Variants in MARCHF1 observed in about 807,000 individuals in gnomAD.
MARCHF1 encodes the protein membrane associated ring-CH-type finger 1.
MARCHF1 carries 40 observed loss-of-function variants against 54.2 expected under a neutral mutation model. That is an observed-to-expected ratio of 0.74 (90% CI 0.57 to 0.96). The LOEUF (loss-of-function observed/expected upper bound fraction) is 0.96. Among genes scored for constraint, MARCHF1 ranks in the 40% least tolerant of loss-of-function variants. MARCHF1 has a pLI of 0.00. For synonymous variants in MARCHF1, 236 were observed against 236.3 expected, an observed-to-expected ratio of 1.00 and a Z score of 0.01; for missense variants, 586 against 656.5, an observed-to-expected ratio of 0.89 and a Z score of 1.17.
chr4:163,605,140 G>A (rs189085483), intron 7 of MARCHF1, among the ~76,000 whole-genome samples: 126 of 152,038 alleles, frequency 8.3e-4, no homozygotes, highest in African/African-American at 2.7e-3. Context: ...AGAAGGGTTC[G>A]CTTTAGGCAC....
At chr4:163,756,622 A>C (rs1746677418) in intron 4 of MARCHF1, among the ~76,000 whole-genome samples, 1 of 104,422 alleles carries the variant, frequency 9.6e-6, no homozygotes. Flanking sequence ...ACAGAGCGAG[A>C]CTCTGTCTCA....
At position 163,528,447 on chromosome 4, in the gene MARCHF1, A is replaced by G. The variant is rs920568891; in HGVS notation, c.*301T>C. 19 of 309,644 alleles carry G rather than the reference A, an allele frequency of 6.1e-5. No individual in the cohort carries two copies. Among genetic ancestry groups the G allele is most frequent in the African/African-American group, 3.9e-4 (18 of 46,394 alleles). 19.2% of individuals were successfully genotyped at this position (309,644 alleles called of 1,614,324 possible). A position where few individuals can be genotyped will look rare whatever the true frequency, so the allele number is the denominator to read the frequency against. ...AAGAAGAGTATCATGGGTCCATTTA[A>G]TCTTTGATTACTGCCTAAAAGCATT... On this transcript the variant is annotated 3_prime_UTR_variant, in exon 10 of 10. Coordinates refer to ENST00000514618, the MANE Select transcript of MARCHF1 (RefSeq NM_001394959.1).
Position 163,876,087 on chromosome 4 carries a change from G to A in MARCHF1, c.-38-21918C>T, listed in dbSNP as rs576190272. Reference sequence around the variant, plus strand: ...TTTATTTTAAAAATAAATATTCACAGAAATTATATCATGACAAACCCTAGA... The same window carrying A: ...TTTATTTTAAAAATAAATATTCACAAAAATTATATCATGACAAACCCTAGA... On this transcript the variant is annotated intron_variant, in intron 3 of 9. Transcript: ENST00000514618. Among the ~76,000 whole-genome samples the A allele has an allele frequency of 5.9e-5, 9 of 152,190 alleles. No individual in the cohort carries two copies. In the East Asian group the frequency reaches 1.7e-3, roughly 29 times the overall value.
At chr4:163,700,900 G>A in intron 4 of MARCHF1, 37 bp from the exon 5 acceptor site, 1 of 1,443,882 alleles carries the variant, frequency 6.9e-7, no homozygotes. Flanking sequence ...TTAAAAGAAG[G>A]TATGGTACTT....
intron 2 of MARCHF1, among the ~76,000 whole-genome samples, chr4:164,087,805 G>C (rs1332875155): frequency 2.1e-5 from 1 of 47,828 alleles, no homozygotes; most frequent in Non-Finnish European, 6.6e-5. Context: ...GCTTTTTTCT[G>C]TGTTTTTTTT....
chr4:163,949,053 C>T (rs370601298), intron 3 of MARCHF1, among the ~76,000 whole-genome samples: 30 of 152,324 alleles, frequency 2.0e-4, no homozygotes, highest in East Asian at 5.8e-4. Flanking sequence ...TGCTTGGGCC[C>T]GCTGGGCTCA....
At chr4:164,205,700 A>T (rs1188100422) in intron 1 of MARCHF1, among the ~76,000 whole-genome samples, 1 of 150,966 alleles carries the variant, frequency 6.6e-6, no homozygotes, top group Non-Finnish European at 1.5e-5. Flanking sequence ...TGCTCTTACT[A>T]CCCAAGGTTG....
At chr4:164,359,060 G>A (rs1730647584) in intron 1 of MARCHF1, among the ~76,000 whole-genome samples, 1 of 151,954 alleles carries the variant, frequency 6.6e-6, no homozygotes, top group Non-Finnish European at 1.5e-5. Flanking sequence ...AAAAATTTTT[G>A]TTTTATTCTG....
At chr4:163,582,581 C>T (rs1483183083) in intron 8 of MARCHF1, among the ~76,000 whole-genome samples, 3 of 152,194 alleles carry the variant, frequency 2.0e-5, no homozygotes, top group South Asian at 2.1e-4. Flanking sequence ...ACAGAATCTC[C>T]TGCCTGCATT....
At chr4:163,939,810 T>A (rs1385251292) in intron 3 of MARCHF1, among the ~76,000 whole-genome samples, 4 of 152,152 alleles carry the variant, frequency 2.6e-5, no homozygotes, top group African/African-American at 9.7e-5. Flanking sequence ...CAGCATAACA[T>A]GCCGAACTAT....
chr4:163,642,101 A>C (rs1243604019), intron 5 of MARCHF1, among the ~76,000 whole-genome samples: 2 of 152,212 alleles, frequency 1.3e-5, no homozygotes, highest in Admixed American at 6.5e-5. Context: ...AAGAATTAGC[A>C]ATGTGACTTT....
chr4:164,297,885 T>A (rs903857609), intron 1 of MARCHF1, among the ~76,000 whole-genome samples: 3 of 152,158 alleles, frequency 2.0e-5, no homozygotes, highest in African/African-American at 7.2e-5. Context: ...GCCATGAGAC[T>A]CAATTTACCT....
At chr4:163,661,722 G>A (rs1007690719) in intron 5 of MARCHF1, among the ~76,000 whole-genome samples, 1 of 151,968 alleles carries the variant, frequency 6.6e-6, no homozygotes, top group South Asian at 2.1e-4. Flanking sequence ...AAGTGAGTGA[G>A]CGTGTCAATC....
chr4:164,036,952 G>T (rs546950775), intron 2 of MARCHF1, among the ~76,000 whole-genome samples: 5 of 152,290 alleles, frequency 3.3e-5, no homozygotes, highest in African/African-American at 9.6e-5. Flanking sequence ...TGTCAGCAAT[G>T]AAGTTGATTG....
chr4:163,824,277 G>A (rs892458362), intron 4 of MARCHF1, among the ~76,000 whole-genome samples: 9 of 151,802 alleles, frequency 5.9e-5, no homozygotes, highest in Non-Finnish European at 1.2e-4. Flanking sequence ...TACCAAATCT[G>A]GTGCCAAAAC....
chr4:163,815,938 T>C lies in MARCHF1; in HGVS notation c.111+38083A>G, dbSNP rs373731984. On this transcript the variant is annotated intron_variant, in intron 4 of 9. Transcript: ENST00000514618. ...TTCTTTCACTTCCCCTTTTTATGGC[T>C]GGAAAAAAGTAAATACTATCTCCAA... Among the ~76,000 whole-genome samples the C allele has an allele frequency of 5.3e-5, 8 of 152,314 alleles. No individual in the cohort carries two copies. In the East Asian group the frequency reaches 1.5e-3, roughly 29 times the overall value.
At chr4:164,105,256 A>C (rs1427897575) in intron 2 of MARCHF1, among the ~76,000 whole-genome samples, 1 of 96,946 alleles carries the variant, frequency 1.0e-5, no homozygotes, top group Non-Finnish European at 2.3e-5. Context: ...ACAGAATTGG[A>C]AAAAACTACT....
At position 164,189,824 on chromosome 4, in the gene MARCHF1, G is replaced by C. The variant is rs1028212373; in HGVS notation, c.-322-78162C>G. On this transcript the variant is annotated intron_variant, in intron 1 of 9. Coordinates refer to ENST00000514618, the MANE Select transcript of MARCHF1 (RefSeq NM_001394959.1). ...TTCATCTTCTGGGTACATTTGATCT[G>C]ACTGGAATTCCTCCTGCTCCTCGTG... The C allele has an allele frequency of 2.1e-4, 340 of 1,591,812 alleles. 1 individual carries two copies. The highest frequency in any genetic ancestry group is 2.6e-4 in the Non-Finnish European group (307 of 1,159,688).
chr4:164,040,879 A>G (rs1176329692), intron 2 of MARCHF1, among the ~76,000 whole-genome samples: 1 of 152,234 alleles, frequency 6.6e-6, no homozygotes, highest in Non-Finnish European at 1.5e-5. Context: ...ATATACCATG[A>G]CATTCTGAAT....
Sources: allele counts gnomAD v4.1 joint callset (sites outside exome capture counted in the v4.1 genomes callset), GRCh38; gene constraint gnomAD v4.1.1; transcripts MANE v1.5; gene names NCBI Gene and HGNC (gene_info 2026-07-23, HGNC 2026-07-21).